OR8D4: variants seen among roughly 807,000 people sequenced by gnomAD.
The protein encoded by OR8D4 is olfactory receptor family 8 subfamily D member 4, also known as olfactory receptor 8D4.
For synonymous variants in OR8D4, 141 were observed against 134.8 expected, an observed-to-expected ratio of 1.05 and a Z score of -0.32; for missense variants, 359 against 372.6, an observed-to-expected ratio of 0.96 and a Z score of 0.30.
Position 123,907,268 on chromosome 11 carries a change from C to A in OR8D4, c.837C>A (p.Thr279=). 6.2e-7 allele frequency: 1 copy of A among 1,606,652 alleles called. No individual in the cohort carries two copies. Among genetic ancestry groups the A allele is most frequent in the Non-Finnish European group, 8.5e-7 (1 of 1,173,414 alleles). ...TQEKVSSVFY[T]TVILMLNPLI... ...AGAAAGTATCCTCAGTATTTTATACCACTGTGATTCTCATGTTGAATCCCT... is the reference window on the plus strand; with the variant it reads ...AGAAAGTATCCTCAGTATTTTATACAACTGTGATTCTCATGTTGAATCCCT... Residue 279 remains threonine (T), a synonymous_variant, in exon 2 of 2, where the codon ACC becomes ACA. Transcript: ENST00000641687.
chr11:123,905,355 T>G (rs1565568881), intron 1 of OR8D4, among the ~76,000 whole-genome samples: 1 of 152,210 alleles, frequency 6.6e-6, no homozygotes, highest in Non-Finnish European at 1.5e-5. Flanking sequence ...TTTTAAAAAG[T>G]GTGAAGTTGG....
intron 1 of OR8D4, among the ~76,000 whole-genome samples, chr11:123,902,955 T>C (rs956658090): frequency 1.3e-5 from 2 of 152,142 alleles, no homozygotes; most frequent in Admixed American, 6.5e-5. Context: ...TGAAATGATG[T>C]ACATGTACAT....
rs1465088727 is a variant in OR8D4 at position 123,907,744 on chromosome 11, T to C, written c.*368T>C. The C allele has an allele frequency of 1.7e-5, 1 of 57,842 alleles. No individual in the cohort carries two copies. Among genetic ancestry groups the C allele is most frequent in the African/African-American group, 8.4e-5 (1 of 11,940 alleles). The allele number at this position is 57,842 out of a possible 1,614,324, so 3.6% of individuals were successfully genotyped here. A position where few individuals can be genotyped will look rare whatever the true frequency, so the allele number is the denominator to read the frequency against. ...CCTGGGTGACAAGAGTGAAAGTCTGTCTCAAAAAAAAAAAAAAAAAAAAAA... is the reference window on the plus strand; with the variant it reads ...CCTGGGTGACAAGAGTGAAAGTCTGCCTCAAAAAAAAAAAAAAAAAAAAAA... On this transcript the variant is annotated 3_prime_UTR_variant, in exon 2 of 2. Coordinates refer to ENST00000641687, the MANE Select transcript of OR8D4 (RefSeq NM_001005197.2).
chr11:123,906,498 C>G lies in OR8D4; in HGVS notation c.67C>G (p.Leu23Val). The change falls in exon 2 of 2, where the codon CTT becomes GTT. Residue 23 changes from leucine to valine, a missense_variant. Transcript: ENST00000641687. ...LLSGLTEQAE[L>V]QLPLFCLFLG... Reference sequence around the variant, plus strand: ...TTCAGGATTAACTGAACAAGCAGAGCTTCAGCTGCCCCTCTTCTGCCTCTT... The same window carrying G: ...TTCAGGATTAACTGAACAAGCAGAGGTTCAGCTGCCCCTCTTCTGCCTCTT... The G allele has an allele frequency of 8.7e-6, 14 of 1,613,780 alleles. No individual in the cohort carries two copies. Among genetic ancestry groups the G allele is most frequent in the Non-Finnish European group, 1.2e-5 (14 of 1,179,800 alleles).
intron 1 of OR8D4, among the ~76,000 whole-genome samples, chr11:123,904,516 G>A (rs1863184774): frequency 6.6e-6 from 1 of 152,170 alleles, no homozygotes; most frequent in Non-Finnish European, 1.5e-5. Flanking sequence ...ACACATGAAT[G>A]CTAACTGGTA....
At position 123,908,093 on chromosome 11, in the gene OR8D4, T is replaced by A. The variant is rs114052380; in HGVS notation, c.*717T>A. The A allele has an allele frequency of 8.5e-5, 13 of 152,302 alleles. No homozygotes were observed. Among genetic ancestry groups the A allele is most frequent in the African/African-American group, 3.1e-4 (13 of 41,580 alleles). The allele number at this position is 152,302 out of a possible 1,614,324, so 9.4% of individuals were successfully genotyped here. A position where few individuals can be genotyped will look rare whatever the true frequency, so the allele number is the denominator to read the frequency against. ...CTGTGGGAGAATTTTTCTTGATTGT[T>A]TCTTATAAAGGGCTTCTTGAAAGCC... On this transcript the variant is annotated 3_prime_UTR_variant, in exon 2 of 2. Transcript: ENST00000641687.
chr11:123,906,423 C>A lies in OR8D4; in HGVS notation c.-9C>A. 6.4e-7 allele frequency: 1 copy of A among 1,554,228 alleles called. No homozygotes were observed. Among genetic ancestry groups the A allele is most frequent in the Non-Finnish European group, 8.7e-7 (1 of 1,143,800 alleles). ...TTCTCTCTCATCTCCACAGATTTCT[C>A]AGAGAAGAATGGGTGTAAAAAACCA... On this transcript the variant is annotated 5_prime_UTR_variant, in exon 2 of 2. Transcript: ENST00000641687.
chr11:123,904,397 C>G (rs755770438), intron 1 of OR8D4, among the ~76,000 whole-genome samples: 36 of 152,020 alleles, frequency 2.4e-4, no homozygotes, highest in Non-Finnish European at 4.7e-4. Context: ...TTGTAACACT[C>G]AGGACAGATT....
intron 1 of OR8D4, among the ~76,000 whole-genome samples, chr11:123,903,047 T>TA (rs1408172361): frequency 4.3e-5 from 3 of 70,540 alleles, no homozygotes; most frequent in Non-Finnish European, 8.1e-5. Flanking sequence ...AGATTTTTTT[T>TA]TAATGGGTGG....
chr11:123,904,834 A>T (rs1863187655), intron 1 of OR8D4, among the ~76,000 whole-genome samples: 1 of 152,224 alleles, frequency 6.6e-6, no homozygotes, highest in Non-Finnish European at 1.5e-5. Flanking sequence ...AAACAAGAAG[A>T]CATGAACAGC....
rs143836353 is a variant in OR8D4 at position 123,904,608 on chromosome 11, C to G, written c.-15-1809C>G. Reference sequence around the variant, plus strand: ...GACACTCACTTTTGCACGTGATCTTCCATCTCCATCATTTAGGATGAGAGA... The same window carrying G: ...GACACTCACTTTTGCACGTGATCTTGCATCTCCATCATTTAGGATGAGAGA... On this transcript the variant is annotated intron_variant, in intron 1 of 1. Coordinates refer to ENST00000641687, the MANE Select transcript of OR8D4 (RefSeq NM_001005197.2). Among the ~76,000 whole-genome samples the G allele has an allele frequency of 1.2e-3, 188 of 152,282 alleles. 3 individuals carry two copies. Among genetic ancestry groups the G allele is most frequent in the African/African-American group, 4.2e-3 (174 of 41,576 alleles).
intron 1 of OR8D4, among the ~76,000 whole-genome samples, chr11:123,905,661 G>A (rs1456576040): frequency 6.7e-6 from 1 of 150,100 alleles, no homozygotes; most frequent in African/African-American, 2.4e-5. Flanking sequence ...ACTAGCAAAA[G>A]TATTCTCATA....
At chr11:123,906,257 A>G (rs1305330675) in intron 1 of OR8D4, 160 bp from the exon 2 acceptor site, 3 of 560,662 alleles carry the variant, frequency 5.4e-6, no homozygotes, top group Non-Finnish European at 9.4e-6. Context: ...CCTAAAATCT[A>G]TAGGTAGGTA....
Position 123,907,298 on chromosome 11 carries a change from A to G in OR8D4, c.867A>G (p.Ile289Met). ...TGATTCTCATGTTGAATCCCTTGAT[A>G]TATAGTCTGAGGAACAATGAAGTAA... ...TTVILMLNPL[I>M]YSLRNNEVRN... is the part of the protein sequence containing the mutation. The change falls in exon 2 of 2, where the codon ATA (isoleucine) becomes ATG (methionine). Residue 289 changes from isoleucine (I) to methionine (M), a missense_variant. Transcript: ENST00000641687. The G allele has an allele frequency of 6.3e-7, 1 of 1,590,810 alleles. No individual in the cohort carries two copies. Among genetic ancestry groups the G allele is most frequent in the Non-Finnish European group, 8.6e-7 (1 of 1,162,516 alleles).
chr11:123,908,578 C>A lies in OR8D4; in HGVS notation c.*1202C>A, dbSNP rs994431172. The A allele has an allele frequency of 2.0e-5, 3 of 152,102 alleles. No individual in the cohort carries two copies. Among genetic ancestry groups the A allele is most frequent in the African/African-American group, 7.2e-5 (3 of 41,416 alleles). The allele number at this position is 152,102 out of a possible 1,614,324, so 9.4% of individuals were successfully genotyped here. A position where few individuals can be genotyped will look rare whatever the true frequency, so the allele number is the denominator to read the frequency against. On this transcript the variant is annotated 3_prime_UTR_variant, in exon 2 of 2. Transcript: ENST00000641687. ...ATGGTGAATATGATAGACAAGGTAT[C>A]TCTTTACTTTTAGGGGGTGAAAAAG... is the stretch of plus-strand genomic sequence containing the variant.
In OR8D4 at chr11:123,907,001, C is replaced by A; in HGVS notation, c.570C>A (p.Ser190=). 1 of 1,614,008 alleles carries A rather than the reference C, an allele frequency of 6.2e-7. No homozygotes were observed. The highest frequency in any genetic ancestry group is 8.5e-7 in the Non-Finnish European group (1 of 1,179,894). The part of the protein sequence containing the change: ...DIVPLIKLSC[S]STYIDELLIF... ...TCCCTCTTATTAAACTCTCCTGCTC[C>A]AGCACTTATATTGATGAGCTTTTGA... Residue 190 remains serine (S), a synonymous_variant, in exon 2 of 2, where the codon TCC becomes TCA. Transcript: ENST00000641687.
rs1863227517 is a variant in OR8D4, at chr11:123,908,860, A to G, written c.*1484A>G. On this transcript the variant is annotated 3_prime_UTR_variant, in exon 2 of 2. Coordinates refer to ENST00000641687, the MANE Select transcript of OR8D4 (RefSeq NM_001005197.2). Reference sequence around the variant, plus strand: ...AGAAACGGAGAAGGCAGTATGGCAGACGGTCAGTGAGAGAGGGAGAAAAGG... The same window carrying G: ...AGAAACGGAGAAGGCAGTATGGCAGGCGGTCAGTGAGAGAGGGAGAAAAGG... The G allele has an allele frequency of 6.6e-6, 1 of 152,230 alleles. No individual in the cohort carries two copies. Among genetic ancestry groups the G allele is most frequent in the Non-Finnish European group, 1.5e-5 (1 of 68,036 alleles). 9.4% of individuals were successfully genotyped at this position (152,230 alleles called of 1,614,324 possible).
chr11:123,907,037 T>C lies in OR8D4; in HGVS notation c.606T>C (p.Ile202=). 3 of 1,614,138 alleles carry C rather than the reference T, an allele frequency of 1.9e-6. No homozygotes were observed. Among genetic ancestry groups the C allele is most frequent in the Non-Finnish European group, 2.5e-6 (3 of 1,179,970 alleles). The change falls in exon 2 of 2, where the codon ATT becomes ATC. Residue 202 remains isoleucine, a synonymous_variant. Transcript: ENST00000641687. The stretch of plus-strand genomic sequence containing the variant: ...TTGATGAGCTTTTGATTTTTGTCAT[T>C]GGTGGATTTAACATGGTGGCCACAA... ...TYIDELLIFV[I]GGFNMVATSL...
chr11:123,904,184 T>C (rs10790606), intron 1 of OR8D4, among the ~76,000 whole-genome samples: 124,911 of 152,086 alleles, frequency 0.82, 51,509 homozygotes, highest in African/African-American at 0.88. Context: ...CACTGTGTAG[T>C]ACAAACCTAA....
Sources: gnomAD v4.1 joint callset for allele counts (sites outside exome capture counted in the v4.1 genomes callset) on GRCh38, gnomAD v4.1.1 for gene constraint, MANE v1.5 for transcripts, NCBI Gene and HGNC (gene_info 2026-07-23, HGNC 2026-07-21) for gene names.